The following FADS3 variants were observed in gnomAD, a reference collection of about 807,000 sequenced individuals.
The protein encoded by FADS3 is cytochrome b5-related protein.
A neutral mutation model predicts 60.4 loss-of-function variants in FADS3; 30 were observed. The ratio of observed to expected loss-of-function variants is 0.50; its 90% CI spans 0.37 to 0.67. The LOEUF (loss-of-function observed/expected upper bound fraction) is 0.67. Ranked by LOEUF, FADS3 falls within the 30% of genes least tolerant of loss-of-function variation. The probability of loss-of-function intolerance (pLI) is 0.00; values close to 1 mark genes in which losing one functional copy is unlikely to be tolerated. For missense variants in FADS3, 432 were observed against 598.3 expected (o/e 0.72, Z 2.90); for synonymous variants, 234 against 249.3 (o/e 0.94, Z 0.58).
chr11:61,889,718 G>A (rs762430579), intron 1 of FADS3, among the ~76,000 whole-genome samples: 5 of 152,178 alleles, frequency 3.3e-5, no homozygotes, highest in Non-Finnish European at 1.5e-5. Flanking sequence ...AGAGCAGGCC[G>A]GGAGTGGTGG....
At chr11:61,881,783 G>A (rs1006243027) in intron 1 of FADS3, 3 of 152,180 alleles carry the variant, frequency 2.0e-5, no homozygotes, top group Non-Finnish European at 4.4e-5. Context: ...TGATCTACTA[G>A]GGGTCCCCTT....
intron 2 of FADS3, among the ~76,000 whole-genome samples, chr11:61,879,753 A>G (rs1055610814): frequency 1.2e-4 from 19 of 152,134 alleles, no homozygotes; most frequent in Non-Finnish European, 2.4e-4. Context: ...GTTCATCAAA[A>G]TCCTCCTTTT....
At chr11:61,879,651 G>A (rs893167961) in intron 2 of FADS3, 142 bp from the exon 3 acceptor site, 5 of 796,884 alleles carry the variant, frequency 6.3e-6, no homozygotes, top group African/African-American at 1.7e-5. Flanking sequence ...CCCAGCCCGG[G>A]GTGTGAGCTG....
In FADS3 at chr11:61,876,461, G is replaced by C; in HGVS notation, c.984-6C>G. 6.2e-7 allele frequency: 1 copy of C among 1,612,526 alleles called. No homozygotes were observed. Among genetic ancestry groups the C allele is most frequent in the Non-Finnish European group, 8.5e-7 (1 of 1,179,402 alleles). On this transcript the variant is annotated splice_region_variant and splice_polypyrimidine_tract_variant and intron_variant, in intron 8 of 11. Transcript: ENST00000278829. The surrounding 1 kb of genome is among the most constrained non-coding windows in gnomAD (Gnocchi z 5.7). ...ACCAGTGGCTTTCCAGGACCCTGTG[G>C]GGAGGCTCGGGCACTGCCCTAGGTC...
intron 1 of FADS3, chr11:61,882,477 T>G (rs921108051): frequency 7.9e-5 from 12 of 152,080 alleles, no homozygotes; most frequent in African/African-American, 2.9e-4. Flanking sequence ...TGGAGTGCAG[T>G]GATGCAATCA....
chr11:61,886,213 G>A (rs890140372), intron 1 of FADS3: 1 of 152,352 alleles, frequency 6.6e-6, no homozygotes, highest in East Asian at 1.9e-4. Context: ...TAGCCCCAAA[G>A]CAGCTATACC....
chr11:61,876,080 C>A lies in FADS3; in HGVS notation c.1160+31G>T. On this transcript the variant is annotated intron_variant, in intron 10 of 11. Transcript: ENST00000278829. This position sits in a 1 kb window ranked among gnomAD's most constrained non-coding sequence, Gnocchi z 5.7. ...ATCCCCTCCCAGGACCCCCTCCCCA[C>A]CTCCCACTGGCCCCCAGCACCCACA... 2.5e-6 allele frequency: 4 copies of A among 1,608,114 alleles called. No homozygotes were observed. The highest frequency in any genetic ancestry group is 3.4e-6 in the Non-Finnish European group (4 of 1,177,266).
chr11:61,875,374 T>TTTTTGTTTTG lies in FADS3; in HGVS notation c.1286+476_1286+477insCAAAACAAAA, dbSNP rs1565342262. Among the ~76,000 whole-genome samples the TTTTTGTTTTG allele has an allele frequency of 4.1e-4, 3 of 7,286 alleles. 1 individual carries two copies. Among genetic ancestry groups the TTTTTGTTTTG allele is most frequent in the African/African-American group, 5.4e-4 (1 of 1,852 alleles). 4.8% of individuals were successfully genotyped at this position (7,286 alleles called of 152,430 possible). On this transcript the variant is annotated intron_variant, in intron 11 of 11. Transcript: ENST00000278829. The stretch of plus-strand genomic sequence containing the variant: ...GGCACCTGCCACCACACCCAGCTAA[T>TTTTTGTTTTG]TTTTGTTTTTTTTTTTTTTTTTTTT...
intron 1 of FADS3, among the ~76,000 whole-genome samples, chr11:61,883,468 C>T (rs1162130820): frequency 6.6e-6 from 1 of 152,212 alleles, no homozygotes; most frequent in Non-Finnish European, 1.5e-5. Flanking sequence ...CATGCAGACA[C>T]ACCCACCAGC....
intron 3 of FADS3, 145 bp from the exon 4 acceptor site, chr11:61,878,992 C>A: frequency 1.4e-6 from 1 of 694,958 alleles, no homozygotes; most frequent in Non-Finnish European, 2.4e-6. Context: ...CCTCTTTTTA[C>A]AGATGAGAAC....
At chr11:61,888,840 C>T (rs965226179) in intron 1 of FADS3, among the ~76,000 whole-genome samples, 1 of 152,188 alleles carries the variant, frequency 6.6e-6, no homozygotes, top group Non-Finnish European at 1.5e-5. Context: ...GCTTCAAGGT[C>T]GCTCAGTGCC....
chr11:61,874,176 G>A (rs1937783784), intron 11 of FADS3, among the ~76,000 whole-genome samples: 1 of 152,246 alleles, frequency 6.6e-6, no homozygotes, highest in South Asian at 2.1e-4. Flanking sequence ...GCTGCCTCCT[G>A]CTGGGCGCTG....
Position 61,878,201 on chromosome 11 carries a change from T to C in FADS3, c.762A>G (p.Lys254=). Residue 254 remains lysine, a synonymous_variant, in exon 6 of 12, where the codon AAA becomes AAG. Transcript: ENST00000278829. ...GESSVEYGKK[K]RRYLPYNQQH... ...GCTGGTTGTAGGGTAGGTATCTGCG[T>C]TTCTTCTTGCCATACTGTGGAGACA... 6.2e-7 allele frequency: 1 copy of C among 1,614,044 alleles called. No individual in the cohort carries two copies. Among genetic ancestry groups the C allele is most frequent in the Non-Finnish European group, 8.5e-7 (1 of 1,180,002 alleles).
chr11:61,890,212 C>A (rs879186246), intron 1 of FADS3: 1 of 151,482 alleles, frequency 6.6e-6, no homozygotes, highest in South Asian at 2.1e-4. Context: ...GAGGGGCTTT[C>A]TTCCTCAAAG....
Position 61,878,755 on chromosome 11 carries a change from C to T in FADS3, c.615G>A (p.Gly205=). ...WNHVAQKFVM[G]QLKGFSAHWW... The stretch of plus-strand genomic sequence containing the variant: ...CCCACCCCACCCTCACCTTTAGCTG[C>T]CCCATCACGAACTTCTGGGCCACGT... Residue 205 remains glycine, a synonymous_variant, in exon 4 of 12, where the codon GGG becomes GGA. Coordinates refer to ENST00000278829, the MANE Select transcript of FADS3 (RefSeq NM_021727.5). 6.2e-7 allele frequency: 1 copy of T among 1,614,002 alleles called. No individual in the cohort carries two copies. Among genetic ancestry groups the T allele is most frequent in the Non-Finnish European group, 8.5e-7 (1 of 1,179,924 alleles).
At chr11:61,878,109 C>T (rs1389104452) in intron 6 of FADS3, 46 bp downstream of exon 6, 1 of 1,560,436 alleles carries the variant, frequency 6.4e-7, no homozygotes, top group African/African-American at 1.4e-5. Context: ...GAGGACAGTG[C>T]AGGCCCAGGC....
At position 61,878,144 on chromosome 11, in the gene FADS3, T is replaced by A; in HGVS notation, c.808+11A>T. 6.2e-7 allele frequency: 1 copy of A among 1,613,160 alleles called. No homozygotes were observed. The highest frequency in any genetic ancestry group is 1.3e-5 in the African/African-American group (1 of 74,962). ...CACTCCCCCACCCCAGAAGGACAGA[T>A]GGACACTCACTCAGGAAGAAGTACA... On this transcript the variant is annotated intron_variant, in intron 6 of 11. Coordinates refer to ENST00000278829, the MANE Select transcript of FADS3 (RefSeq NM_021727.5).
At position 61,875,379 on chromosome 11, in the gene FADS3, GTTTTTTTTTT is replaced by G. The variant is rs58200660; in HGVS notation, c.1286+462_1286+471del. Among the ~76,000 whole-genome samples, 47 of 128,498 alleles carry G rather than the reference GTTTTTTTTTT, an allele frequency of 3.7e-4. 4 individuals are homozygous for G. The highest frequency in any genetic ancestry group is 9.6e-4 in the African/African-American group (34 of 35,406). 84.3% of individuals were successfully genotyped at this position (128,498 alleles called of 152,430 possible). The stretch of plus-strand genomic sequence containing the variant: ...CTGCCACCACACCCAGCTAATTTTT[GTTTTTTTTTT>G]TTTTTTTTTTTTTTTTTTTTTTTAG... On this transcript the variant is annotated intron_variant, in intron 11 of 11. Coordinates refer to ENST00000278829, the MANE Select transcript of FADS3 (RefSeq NM_021727.5).
At position 61,873,785 on chromosome 11, in the gene FADS3, G is replaced by C. The variant is rs754160982; in HGVS notation, c.*29C>G. On this transcript the variant is annotated 3_prime_UTR_variant, in exon 12 of 12. Coordinates refer to ENST00000278829, the MANE Select transcript of FADS3 (RefSeq NM_021727.5). ...GCTGGCTTGGTTGCTGGTGCCCTGA[G>C]CCCTTCTCTGCCCGCCTGGGTGTTG... The C allele has an allele frequency of 1.3e-6, 2 of 1,596,900 alleles. No homozygotes were observed. Among genetic ancestry groups the C allele is most frequent in the Admixed American group, 1.7e-5 (1 of 58,986 alleles).
Sources: gnomAD v4.1 joint callset for allele counts (sites outside exome capture counted in the v4.1 genomes callset) on GRCh38, gnomAD v4.1.1 for gene constraint, Gnocchi (gnomAD v3.1) non-coding constraint, MANE v1.5 for transcripts, NCBI Gene and HGNC (gene_info 2026-07-23, HGNC 2026-07-21) for gene names.